Variants in SLC3A2 observed in about 807,000 individuals in gnomAD.
The protein encoded by SLC3A2 is solute carrier family 3 member 2, also known as amino acid transporter heavy chain SLC3A2.
A neutral mutation model predicts 48.5 loss-of-function variants in SLC3A2; 32 were observed. That is an observed-to-expected ratio of 0.66 (90% CI 0.50 to 0.89). The LOEUF is 0.89. Ranked by LOEUF, SLC3A2 falls within the 40% of genes least tolerant of loss-of-function variation. The pLI, the probability that SLC3A2 is intolerant of heterozygous loss-of-function variation, is 0.00. For synonymous variants in SLC3A2, 277 were observed against 288.8 expected (o/e 0.96, Z 0.41); for missense variants, 587 against 680.7 (o/e 0.86, Z 1.53).
Position 62,884,698 on chromosome 11 carries a change from CA to C in SLC3A2, c.818+9del. On this transcript the variant is annotated intron_variant, in intron 5 of 8. Coordinates refer to ENST00000338663, the MANE Select transcript of SLC3A2 (RefSeq NM_001013251.3). ...GGGCTTCAGTGAAGACAGGTGGGTG[CA>C]GGAGCCATTCTGCTGACTCAGCTCC... 1 of 1,588,070 alleles carries C rather than the reference CA, an allele frequency of 6.3e-7. No homozygotes were observed.
intron 2 of SLC3A2, chr11:62,882,673 C>A: frequency 2.1e-6 from 1 of 467,792 alleles, no homozygotes; most frequent in East Asian, 3.9e-5. Context: ...TTAGTAGAGA[C>A]AATTTTCAAC....
intron 1 of SLC3A2, among the ~76,000 whole-genome samples, chr11:62,859,996 T>C (rs536074228): frequency 9.8e-5 from 15 of 152,298 alleles, no homozygotes; most frequent in Admixed American, 9.8e-4. Flanking sequence ...CACTGGTCTC[T>C]GAGTTCCCTC....
chr11:62,868,614 C>A (rs1172368825), intron 1 of SLC3A2, among the ~76,000 whole-genome samples: 1 of 151,592 alleles, frequency 6.6e-6, no homozygotes, highest in African/African-American at 2.4e-5. Flanking sequence ...ATCTGCCCGC[C>A]TCGGCCTCCC....
Position 62,882,971 on chromosome 11 carries a change from A to C in SLC3A2, c.662A>C (p.Gln221Pro). 1 of 1,614,198 alleles carries C rather than the reference A, an allele frequency of 6.2e-7. No homozygotes were observed. Among genetic ancestry groups the C allele is most frequent in the Non-Finnish European group, 8.5e-7 (1 of 1,180,020 alleles). ...GGTGAGAACTCGTGGTTCTCCACTC[A>C]GGTTGACACTGTGGCCACCAAGGTG... ...YRGENSWFST[Q>P]VDTVATKVKD... Residue 221 changes from glutamine (Q) to proline (P), a missense_variant, in exon 3 of 9, where the codon CAG becomes CCG. Around this residue, in one of 3 missense-constraint regions of SLC3A2, gnomAD observed 409 missense variants for 446.7 expected, o/e 0.92. Coordinates refer to ENST00000338663, the MANE Select transcript of SLC3A2 (RefSeq NM_001013251.3).
At chr11:62,877,643 G>A (rs2085584077), upstream of SLC3A2, among the ~76,000 whole-genome samples, 1 of 152,226 alleles carries the variant, frequency 6.6e-6, no homozygotes, top group Admixed American at 6.5e-5. Context: ...GCTAGATCTT[G>A]AATGAATAGG....
intron 1 of SLC3A2, among the ~76,000 whole-genome samples, chr11:62,858,630 G>A (rs1288817623): frequency 6.6e-6 from 1 of 152,048 alleles, no homozygotes; most frequent in South Asian, 2.1e-4. Flanking sequence ...AAGGGGACCC[G>A]GGGAACCAGC....
chr11:62,883,104 T>C, intron 3 of SLC3A2, 105 bp downstream of exon 3: 1 of 1,040,760 alleles, frequency 9.6e-7, no homozygotes, highest in Non-Finnish European at 1.5e-6. Context: ...GAGGGTCCCT[T>C]TGCTCCTTAG....
At position 62,882,277 on chromosome 11, in the gene SLC3A2, A is replaced by C. The variant is rs536856560; in HGVS notation, c.598+211A>C. 286 of 574,008 alleles carry C rather than the reference A, an allele frequency of 5.0e-4. 1 individual carries two copies. The highest frequency in any genetic ancestry group is 4.8e-3 in the African/African-American group (256 of 53,414). The allele number at this position is 574,008 out of a possible 1,614,324, so 35.6% of individuals were successfully genotyped here. On this transcript the variant is annotated intron_variant, in intron 2 of 8. Transcript: ENST00000338663. ...TGTGGAATCTTGAGCAGGTCATTTA[A>C]CTTCTGGGCTTCAGTGCCCTTATTT...
At chr11:62,884,813 CTTTTTTTTTTTTTTTTTTTTTTTTT>C (rs541507991) in intron 5 of SLC3A2, 123 bp downstream of exon 5, 12 of 55,984 alleles carry the variant, frequency 2.1e-4, no homozygotes, top group East Asian at 1.8e-3. Context: ...CTTTCTTTAG[CTTTTTTTTTTTTTTTTTTTTTTTTT>C]TTTTTTTTTT....
chr11:62,882,189 G>A, intron 2 of SLC3A2, 123 bp downstream of exon 2: 1 of 1,129,458 alleles, frequency 8.9e-7, no homozygotes, highest in Non-Finnish European at 1.3e-6. Context: ...AGGTAGAGGG[G>A]AGATTTGTTA....
At chr11:62,884,422 C>A in intron 3 of SLC3A2, 35 bp from the exon 4 acceptor site, 1 of 1,612,436 alleles carries the variant, frequency 6.2e-7, no homozygotes, top group Non-Finnish European at 8.5e-7. Flanking sequence ...TTCCTGAGAA[C>A]TGATGTCTGT....
intron 1 of SLC3A2, among the ~76,000 whole-genome samples, chr11:62,862,530 C>G (rs2085411951): frequency 6.6e-6 from 1 of 151,896 alleles, no homozygotes; most frequent in Non-Finnish European, 1.5e-5. Context: ...CACCCCTCCC[C>G]CAAGCCTAAA....
chr11:62,873,508 G>A (rs993276688), intron 1 of SLC3A2, among the ~76,000 whole-genome samples: 38 of 151,582 alleles, frequency 2.5e-4, no homozygotes, highest in African/African-American at 8.7e-4. Flanking sequence ...AAAAAATTTT[G>A]TACAGACAAG....
At chr11:62,865,619 GC>G (rs2085444983) in intron 1 of SLC3A2, among the ~76,000 whole-genome samples, 1 of 148,986 alleles carries the variant, frequency 6.7e-6, no homozygotes, top group Non-Finnish European at 1.5e-5. Flanking sequence ...CAAGGATTTT[GC>G]CTGTTTATTG....
At chr11:62,888,290 G>A (rs200794062) in intron 8 of SLC3A2, 41 bp from the exon 9 acceptor site, 2 of 1,609,294 alleles carry the variant, frequency 1.2e-6, no homozygotes, top group East Asian at 4.5e-5. Context: ...GTACCCAGGG[G>A]AGCCCCTCAC....
chr11:62,888,555 C>T lies in SLC3A2; in HGVS notation c.1452C>T (p.Ala484=). 1.2e-6 allele frequency: 2 copies of T among 1,614,064 alleles called. No individual in the cohort carries two copies. The highest frequency in any genetic ancestry group is 4.5e-5 in the East Asian group (2 of 44,874). The change falls in exon 9 of 9, where the codon GCC becomes GCT. Residue 484 remains alanine (A), a synonymous_variant. Coordinates refer to ENST00000338663, the MANE Select transcript of SLC3A2 (RefSeq NM_001013251.3). Reference sequence around the variant, plus strand: ...GACTGCAGGCCTCCGACCTGCCTGCCAGCGCCAGCCTGCCAGCCAAGGCTG... The same window carrying T: ...GACTGCAGGCCTCCGACCTGCCTGCTAGCGCCAGCCTGCCAGCCAAGGCTG... ...SAGLQASDLP[A]SASLPAKADL... is the part of the protein sequence containing the mutation.
chr11:62,856,842 T>G (rs376221219), intron 1 of SLC3A2, among the ~76,000 whole-genome samples: 2 of 119,700 alleles, frequency 1.7e-5, no homozygotes, highest in Admixed American at 8.5e-5. Context: ...TTTTTTTTTT[T>G]GAGACGGAGT....
In SLC3A2 at chr11:62,888,510, G is replaced by A. The variant is rs779298959; in HGVS notation, c.1407G>A (p.Gly469=). 3.7e-6 allele frequency: 6 copies of A among 1,614,106 alleles called. No individual in the cohort carries two copies. In the African/African-American group the frequency reaches 8.0e-5, roughly 22 times the overall value. ...NERFLVVLNF[G]DVGLSAGLQA... ...GTTTTCTGGTAGTGCTTAACTTTGGGGATGTGGGCCTCTCGGCTGGACTGC... is the reference window on the plus strand; with the variant it reads ...GTTTTCTGGTAGTGCTTAACTTTGGAGATGTGGGCCTCTCGGCTGGACTGC... The change falls in exon 9 of 9, where the codon GGG becomes GGA. Residue 469 remains glycine (G), a synonymous_variant. Coordinates refer to ENST00000338663, the MANE Select transcript of SLC3A2 (RefSeq NM_001013251.3).
chr11:62,856,791 C>A (rs1488080689), intron 1 of SLC3A2, among the ~76,000 whole-genome samples: 2 of 151,848 alleles, frequency 1.3e-5, no homozygotes, highest in Non-Finnish European at 2.9e-5. Context: ...TAAACATCTA[C>A]GTGTACAAGC....
Sources: allele counts gnomAD v4.1 joint callset (sites outside exome capture counted in the v4.1 genomes callset), GRCh38; gene constraint gnomAD v4.1.1; regional missense constraint gnomAD v4.1.1; transcripts MANE v1.5; gene names NCBI Gene and HGNC (gene_info 2026-07-23, HGNC 2026-07-21).